GALNTL6: variants seen among roughly 807,000 people sequenced by gnomAD.
GALNTL6 encodes the protein polypeptide N-acetylgalactosaminyltransferase-like 6.
GALNTL6 carries 46 observed loss-of-function variants against 73.7 expected under a neutral mutation model. The ratio of observed to expected loss-of-function variants is 0.62; its 90% CI spans 0.49 to 0.80. GALNTL6 has a LOEUF of 0.80. GALNTL6 is among the 30% of genes least tolerant of loss of function. The pLI is 0.00. For synonymous variants in GALNTL6, 259 were observed against 263.7 expected (o/e 0.98, Z 0.17); for missense variants, 604 against 755.0 (o/e 0.80, Z 2.34).
chr4:172,650,819 G>GCCTAAGCAAA (rs1740442972), intron 5 of GALNTL6, among the ~76,000 whole-genome samples: 1 of 151,966 alleles, frequency 6.6e-6, no homozygotes, highest in Admixed American at 6.6e-5. Flanking sequence ...AAATAAAAGG[G>GCCTAAGCAAA]CCTAAGCAAA....
chr4:172,978,393 C>T (rs983557858), intron 10 of GALNTL6, among the ~76,000 whole-genome samples: 4 of 152,094 alleles, frequency 2.6e-5, no homozygotes, highest in African/African-American at 4.8e-5. Context: ...TCATTTTGAG[C>T]AATAGACATC....
chr4:171,948,805 T>C (rs1738778934), intron 2 of GALNTL6, among the ~76,000 whole-genome samples: 1 of 152,146 alleles, frequency 6.6e-6, no homozygotes, highest in African/African-American at 2.4e-5. Context: ...TATCAACACA[T>C]TTCCTGAAAA....
At chr4:171,880,904 T>C (rs1736428536) in intron 2 of GALNTL6, among the ~76,000 whole-genome samples, 1 of 152,120 alleles carries the variant, frequency 6.6e-6, no homozygotes, top group African/African-American at 2.4e-5. Context: ...ATGGACCAGA[T>C]TGTCAATTGT....
At chr4:171,834,050 A>C (rs1302806268) in intron 2 of GALNTL6, among the ~76,000 whole-genome samples, 1 of 151,884 alleles carries the variant, frequency 6.6e-6, no homozygotes, top group East Asian at 1.9e-4. Context: ...TCACTTACTT[A>C]TTAAAAAAAC....
intron 2 of GALNTL6, among the ~76,000 whole-genome samples, chr4:171,982,880 T>C (rs1170547576): frequency 6.6e-6 from 1 of 152,226 alleles, no homozygotes; most frequent in Non-Finnish European, 1.5e-5. Flanking sequence ...GGTTCACAGA[T>C]AGCTGTAATT....
In GALNTL6 at chr4:171,938,507, T is replaced by C. The variant is rs189321788; in HGVS notation, c.138+123789T>C. On this transcript the variant is annotated intron_variant, in intron 2 of 12. Coordinates refer to ENST00000506823, the MANE Select transcript of GALNTL6 (RefSeq NM_001034845.3). ...CAGATTTTTACACAGTATGATACTA[T>C]AAAGATATTGCTTTGGAGTTTCCAG... Among the ~76,000 whole-genome samples, 361 of 152,310 alleles carry C rather than the reference T, an allele frequency of 2.4e-3. 2 individuals carry two copies. The highest frequency in any genetic ancestry group is 8.2e-3 in the African/African-American group (340 of 41,578).
At chr4:172,057,987 G>C (rs1421978412) in intron 2 of GALNTL6, among the ~76,000 whole-genome samples, 1 of 151,920 alleles carries the variant, frequency 6.6e-6, no homozygotes, top group Non-Finnish European at 1.5e-5. Flanking sequence ...TCATTTGTGT[G>C]CTTGTACTCC....
At chr4:172,109,013 C>CAAA (rs202017302) in intron 2 of GALNTL6, among the ~76,000 whole-genome samples, 35 of 108,280 alleles carry the variant, frequency 3.2e-4, no homozygotes, top group East Asian at 1.4e-3. Flanking sequence ...ACTCCATCTC[C>CAAA]AAAAAAAAAA....
At chr4:172,074,533 A>G (rs80262014) in intron 2 of GALNTL6, among the ~76,000 whole-genome samples, 276 of 148,316 alleles carry the variant, frequency 1.9e-3, no homozygotes, top group Non-Finnish European at 3.1e-3. Context: ...GTGCTCAGTC[A>G]TATGCATGCT....
At chr4:172,121,148 T>G (rs943406034) in intron 2 of GALNTL6, among the ~76,000 whole-genome samples, 11 of 151,912 alleles carry the variant, frequency 7.2e-5, no homozygotes, top group Admixed American at 1.3e-4. Context: ...AAAATGAGAA[T>G]TACATAATTA....
chr4:172,080,153 CATTTACTT>C (rs1227055986), intron 2 of GALNTL6, among the ~76,000 whole-genome samples: 1 of 152,124 alleles, frequency 6.6e-6, no homozygotes, highest in African/African-American at 2.4e-5. Flanking sequence ...TGAAGTGCCA[CATTTACTT>C]ATTTACTTAT....
At chr4:172,328,943 G>A (rs1741031794) in intron 4 of GALNTL6, among the ~76,000 whole-genome samples, 1 of 152,148 alleles carries the variant, frequency 6.6e-6, no homozygotes, top group Non-Finnish European at 1.5e-5. Context: ...CTGGCCATTT[G>A]AGCTGCCAGG....
At chr4:172,482,395 G>C (rs1401204603) in intron 5 of GALNTL6, among the ~76,000 whole-genome samples, 1 of 152,270 alleles carries the variant, frequency 6.6e-6, no homozygotes, top group Non-Finnish European at 1.5e-5. Flanking sequence ...CGCTGAGAGC[G>C]AGAGAGGGCC....
intron 2 of GALNTL6, among the ~76,000 whole-genome samples, chr4:171,934,322 T>A (rs1306750410): frequency 6.6e-6 from 1 of 152,130 alleles, no homozygotes; most frequent in African/African-American, 2.4e-5. Flanking sequence ...CATGGAAGAG[T>A]TGACACTAAT....
intron 2 of GALNTL6, among the ~76,000 whole-genome samples, chr4:172,207,583 G>A (rs1241796036): frequency 6.6e-6 from 1 of 152,032 alleles, no homozygotes; most frequent in African/African-American, 2.4e-5. Context: ...GCCAATACAC[G>A]AGCCAATACA....
chr4:172,770,907 C>T (rs1355377801), intron 5 of GALNTL6, among the ~76,000 whole-genome samples: 1 of 152,148 alleles, frequency 6.6e-6, no homozygotes, highest in Non-Finnish European at 1.5e-5. Context: ...TACAGTAAAA[C>T]CCCAATGTTC....
intron 3 of GALNTL6, among the ~76,000 whole-genome samples, chr4:172,279,788 A>C (rs1304212916): frequency 6.6e-6 from 1 of 152,222 alleles, no homozygotes; most frequent in African/African-American, 2.4e-5. Flanking sequence ...TGTTCATGGT[A>C]GCATTATTCA....
At chr4:172,909,806 T>C (rs1579641035) in intron 8 of GALNTL6, among the ~76,000 whole-genome samples, 1 of 152,108 alleles carries the variant, frequency 6.6e-6, no homozygotes, top group East Asian at 1.9e-4. Context: ...AACTCACACC[T>C]GTGTGAAATG....
chr4:172,234,641 CA>C (rs1257160713), intron 3 of GALNTL6, among the ~76,000 whole-genome samples: 1 of 152,010 alleles, frequency 6.6e-6, no homozygotes, highest in African/African-American at 2.4e-5. Flanking sequence ...TAATGGAAAC[CA>C]AATTTGTTAT....
Sources: gnomAD v4.1 joint callset for allele counts (sites outside exome capture counted in the v4.1 genomes callset) on GRCh38, gnomAD v4.1.1 for gene constraint, MANE v1.5 for transcripts, NCBI Gene and HGNC (gene_info 2026-07-23, HGNC 2026-07-21) for gene names.